REST: variants seen among roughly 807,000 people sequenced by gnomAD.
REST encodes RE1-silencing transcription factor.
A neutral mutation model predicts 30.4 loss-of-function variants in REST; 1 was observed. That is an observed-to-expected ratio of 0.03 (90% CI 0.01 to 0.16). REST has a LOEUF of 0.16. Among genes scored for constraint, REST ranks in the 10% least tolerant of loss-of-function variants. The pLI, the probability that REST is intolerant of heterozygous loss-of-function variation, is 1.00. For missense variants in REST, 1,259 were observed against 1,329.5 expected (o/e 0.95, Z 0.82); for synonymous variants, 504 against 451.1 (o/e 1.12, Z -1.49).
At chr4:56,922,574 A>G (rs1255075258) in intron 3 of REST, among the ~76,000 whole-genome samples, 1 of 152,030 alleles carries the variant, frequency 6.6e-6, no homozygotes, top group African/African-American at 2.4e-5. Flanking sequence ...CAGCCTCCCA[A>G]CGTGCTGGGA....
intron 2 of REST, 122 bp downstream of exon 2, chr4:56,911,658 T>C: frequency 1.3e-6 from 1 of 775,196 alleles, no homozygotes; most frequent in South Asian, 1.8e-5. Flanking sequence ...TTTGCTATCT[T>C]TGTGACCTTG....
intron 3 of REST, among the ~76,000 whole-genome samples, chr4:56,926,020 T>G (rs557284545): frequency 6.6e-6 from 1 of 152,194 alleles, no homozygotes; most frequent in Non-Finnish European, 1.5e-5. Context: ...ATCTATTTAC[T>G]CATGATGTAG....
intron 2 of REST, among the ~76,000 whole-genome samples, chr4:56,917,788 A>G (rs1368362729): frequency 6.6e-6 from 1 of 152,106 alleles, no homozygotes; most frequent in Non-Finnish European, 1.5e-5. Context: ...GTGGCGGCTC[A>G]TGCCTGTAAT....
chr4:56,915,025 AGCAATTATCCT>A (rs1253716330), intron 2 of REST, among the ~76,000 whole-genome samples: 1 of 149,158 alleles, frequency 6.7e-6, no homozygotes. Flanking sequence ...CCCAGGTACA[AGCAATTATCCT>A]GCCTCAGCCT....
chr4:56,921,606 C>T (rs1315258639), intron 3 of REST, among the ~76,000 whole-genome samples: 3 of 152,156 alleles, frequency 2.0e-5, no homozygotes, highest in South Asian at 2.1e-4. Context: ...GATGGGGTTT[C>T]GCCATGTTGG....
chr4:56,926,437 T>C lies in REST; in HGVS notation c.983-3404T>C, dbSNP rs1720714632. Among the ~76,000 whole-genome samples, 5 of 148,412 alleles carry C rather than the reference T, an allele frequency of 3.4e-5. No individual in the cohort carries two copies. The South Asian group carries it at 1.1e-3, about 32-fold the overall frequency. ...TGTTGCCCAGGCTGGAGTGCAGTAG[T>C]GCGATCTCGGCTCACTGCACCCTCT... On this transcript the variant is annotated intron_variant, in intron 3 of 3. Coordinates refer to ENST00000309042, the MANE Select transcript of REST (RefSeq NM_005612.5).
At position 56,930,946 on chromosome 4, in the gene REST, G is replaced by A. The variant is rs747594456; in HGVS notation, c.2088G>A (p.Thr696=). The change falls in exon 4 of 4, where the codon ACG becomes ACA. Residue 696 remains threonine, a synonymous_variant. Transcript: ENST00000309042. ...CTCCTCCCATGGAGACTGCTCAGAC[G>A]GAGGTTGCCCAAATGGGGCCTGCTC... ...ELPPPMETAQ[T]EVAQMGPAPM... The A allele has an allele frequency of 1.5e-5, 24 of 1,613,942 alleles. No individual in the cohort carries two copies. The highest frequency in any genetic ancestry group is 4.4e-5 in the South Asian group (4 of 91,084).
In REST at chr4:56,932,417, C is replaced by T; in HGVS notation, c.*265C>T. On this transcript the variant is annotated 3_prime_UTR_variant, in exon 4 of 4. Coordinates refer to ENST00000309042, the MANE Select transcript of REST (RefSeq NM_005612.5). ...TTAGAAGGCTAAGATGGTATAACAG[C>T]ATTTTATTGCTTTGTCCAGCTACAA... 3.3e-6 allele frequency: 1 copy of T among 304,524 alleles called. No homozygotes were observed. Among genetic ancestry groups the T allele is most frequent in the Admixed American group, 4.6e-5 (1 of 21,592 alleles). 18.9% of individuals were successfully genotyped at this position (304,524 alleles called of 1,614,324 possible). A position where few individuals can be genotyped will look rare whatever the true frequency, so the allele number is the denominator to read the frequency against.
Position 56,908,018 on chromosome 4 carries a change from A to G in REST, c.-205A>G. The G allele has an allele frequency of 2.9e-6, 1 of 343,580 alleles. No individual in the cohort carries two copies. The highest frequency in any genetic ancestry group is 1.4e-4 in the South Asian group (1 of 7,278). 21.3% of individuals were successfully genotyped at this position (343,580 alleles called of 1,614,324 possible). ...ACCCTGGCGGCGGCTGCCGCAGCCGAGACGGCAGGGCGAGGCCCGGAGGCC... is the reference window on the plus strand; with the variant it reads ...ACCCTGGCGGCGGCTGCCGCAGCCGGGACGGCAGGGCGAGGCCCGGAGGCC... On this transcript the variant is annotated 5_prime_UTR_variant, in exon 1 of 4. Coordinates refer to ENST00000309042, the MANE Select transcript of REST (RefSeq NM_005612.5).
At chr4:56,919,564 A>G (rs1352350793) in intron 2 of REST, among the ~76,000 whole-genome samples, 3 of 152,230 alleles carry the variant, frequency 2.0e-5, no homozygotes, top group African/African-American at 7.2e-5. Flanking sequence ...TCGGAAAGTC[A>G]ATGTTGTTTT....
At chr4:56,923,480 T>C (rs981680101) in intron 3 of REST, among the ~76,000 whole-genome samples, 8 of 152,142 alleles carry the variant, frequency 5.3e-5, no homozygotes, top group African/African-American at 1.9e-4. Flanking sequence ...GTTTCGCTCT[T>C]GTCACCCAGC....
chr4:56,911,333 C>G lies in REST; in HGVS notation c.695C>G (p.Thr232Arg), dbSNP rs1189295494. The G allele has an allele frequency of 3.1e-6, 5 of 1,614,196 alleles. No homozygotes were observed. The highest frequency in any genetic ancestry group is 4.2e-6 in the Non-Finnish European group (5 of 1,180,036). ...AATACTAATCGATATGATCACTATA[C>G]AGCACACCTGAAACACCACACCAGA... ...GYNTNRYDHYTAHLKHHTRAG... is the reference protein window; with the variant it reads ...GYNTNRYDHYRAHLKHHTRAG... The change falls in exon 2 of 4, where the codon ACA becomes AGA. Residue 232 changes from threonine (T) to arginine (R), a missense_variant. Around this residue, in one of 5 missense-constraint regions of REST, gnomAD observed 125 missense variants for 255.4 expected, o/e 0.49. Transcript: ENST00000309042.
At position 56,931,317 on chromosome 4, in the gene REST, A is replaced by C. The variant is rs1578516139; in HGVS notation, c.2459A>C (p.Lys820Thr). 3 of 1,614,242 alleles carry C rather than the reference A, an allele frequency of 1.9e-6. No homozygotes were observed. In the East Asian group the frequency reaches 6.7e-5, roughly 36 times the overall value. The change falls in exon 4 of 4, where the codon AAA becomes ACA. Residue 820 changes from lysine (K) to threonine (T), a missense_variant. Lys to Thr is a moderately conservative substitution (Grantham distance 78). Transcript: ENST00000309042. The stretch of plus-strand genomic sequence containing the variant: ...AAAAAGCCTCCTCTCCGAAAAGATA[A>C]AAAGGAAAAGTCTAACATGCAGAGT... ...ISKKPPLRKD[K>T]KEKSNMQSER...
intron 2 of REST, among the ~76,000 whole-genome samples, chr4:56,917,523 A>G (rs374212018): frequency 6.6e-6 from 1 of 152,004 alleles, no homozygotes; most frequent in African/African-American, 2.4e-5. Flanking sequence ...TTATTTTATT[A>G]GACACATTTG....
intron 2 of REST, 61 bp from the exon 3 acceptor site, chr4:56,919,722 TAGTG>T (rs1720363387): frequency 1.0e-6 from 1 of 976,162 alleles, no homozygotes; most frequent in African/African-American, 1.6e-5. Flanking sequence ...GTTGCATTGT[TAGTG>T]AGAATTGTAT....
At chr4:56,927,962 T>A (rs984753516) in intron 3 of REST, among the ~76,000 whole-genome samples, 2 of 152,214 alleles carry the variant, frequency 1.3e-5, no homozygotes, top group Non-Finnish European at 2.9e-5. Flanking sequence ...AAGGATTAAA[T>A]TTCAAGAAAA....
chr4:56,921,180 T>C (rs1720433921), intron 3 of REST, among the ~76,000 whole-genome samples: 1 of 152,018 alleles, frequency 6.6e-6, no homozygotes. Context: ...CCACTTCTAA[T>C]TAGAATACAG....
Position 56,933,378 on chromosome 4 carries a change from C to T in REST, c.*1226C>T, listed in dbSNP as rs1051815983. 3.3e-5 allele frequency: 5 copies of T among 152,180 alleles called. No individual in the cohort carries two copies. Among genetic ancestry groups the T allele is most frequent in the African/African-American group, 9.7e-5 (4 of 41,448 alleles). 9.4% of individuals were successfully genotyped at this position (152,180 alleles called of 1,614,324 possible). Reference sequence around the variant, plus strand: ...GAATTAGGAGATATAATTATTCCTTCAAGTTTTATAGAATATCACTTGGGA... The same window carrying T: ...GAATTAGGAGATATAATTATTCCTTTAAGTTTTATAGAATATCACTTGGGA... On this transcript the variant is annotated 3_prime_UTR_variant, in exon 4 of 4. Transcript: ENST00000309042.
At chr4:56,923,217 A>G (rs757138447) in intron 3 of REST, among the ~76,000 whole-genome samples, 10 of 152,232 alleles carry the variant, frequency 6.6e-5, no homozygotes, top group Non-Finnish European at 1.0e-4. Flanking sequence ...AGTACTACGA[A>G]GATACTGAGT....
Sources: allele counts gnomAD v4.1 joint callset (sites outside exome capture counted in the v4.1 genomes callset), GRCh38; gene constraint gnomAD v4.1.1; regional missense constraint gnomAD v4.1.1; transcripts MANE v1.5; gene names NCBI Gene and HGNC (gene_info 2026-07-23, HGNC 2026-07-21).